The following SYNPR variants were observed in gnomAD, a reference collection of about 807,000 sequenced individuals.
SYNPR encodes the protein synaptoporin.
A neutral mutation model predicts 32.9 loss-of-function variants in SYNPR; 23 were observed. The observed-to-expected ratio is 0.70, with a 90% CI of 0.50 to 0.99. The LOEUF (loss-of-function observed/expected upper bound fraction) is 0.99, where lower values mean the gene tolerates loss of function less well. SYNPR is among the 50% of genes least tolerant of loss of function. The pLI, the probability that SYNPR is intolerant of heterozygous loss-of-function variation, is 0.00. For missense variants in SYNPR, 318 were observed against 349.3 expected (o/e 0.91, Z 0.71); for synonymous variants, 146 against 135.9 (o/e 1.07, Z -0.52).
At chr3:63,517,171 G>A (rs1701816071) in intron 3 of SYNPR, among the ~76,000 whole-genome samples, 1 of 152,082 alleles carries the variant, frequency 6.6e-6, no homozygotes, top group African/African-American at 2.4e-5. Flanking sequence ...ATCACAAACT[G>A]AGGACTCTAG....
chr3:63,245,710 AGTGTGTGT>A (rs1159947180), intron 1 of SYNPR, among the ~76,000 whole-genome samples: 71 of 44,248 alleles, frequency 1.6e-3, no homozygotes, highest in African/African-American at 6.5e-3. Context: ...AGAGAGAGAG[AGTGTGTGT>A]GTGTGTGTGT....
At chr3:63,411,121 G>A (rs972422297) in intron 2 of SYNPR, among the ~76,000 whole-genome samples, 7 of 152,224 alleles carry the variant, frequency 4.6e-5, no homozygotes, top group African/African-American at 1.4e-4. Flanking sequence ...GATGCAATGT[G>A]GAAACTGAAT....
At position 63,389,947 on chromosome 3, in the gene SYNPR, T is replaced by C. The variant is rs181346330; in HGVS notation, c.85-90885T>C. The stretch of plus-strand genomic sequence containing the variant: ...GCTCATTAACTAAAAACTATCATTG[T>C]AGTTAATAGCAAGCCCACTCTGGGC... On this transcript the variant is annotated intron_variant, in intron 2 of 5. Coordinates refer to ENST00000478300, the MANE Select transcript of SYNPR (RefSeq NM_001130003.2). Among the ~76,000 whole-genome samples, 586 of 152,356 alleles carry C rather than the reference T, an allele frequency of 3.8e-3. 19 individuals are homozygous for C. In the South Asian group the frequency reaches 0.074, roughly 19 times the overall value.
chr3:63,232,192 C>CTTTTTTTTTT (rs57078088), intron 1 of SYNPR, among the ~76,000 whole-genome samples: 11 of 59,536 alleles, frequency 1.8e-4, no homozygotes, highest in Non-Finnish European at 2.4e-4. Flanking sequence ...CAGATTCTGA[C>CTTTTTTTTTT]TTTTTTTTTT....
chr3:63,367,607 C>T (rs746676315), intron 2 of SYNPR, among the ~76,000 whole-genome samples: 3 of 152,058 alleles, frequency 2.0e-5, no homozygotes, highest in Non-Finnish European at 1.5e-5. Context: ...CTGCCTGCCT[C>T]GGCCTCCTAA....
chr3:63,431,421 G>A (rs1326622972), intron 2 of SYNPR, among the ~76,000 whole-genome samples: 1 of 152,162 alleles, frequency 6.6e-6, no homozygotes, highest in Admixed American at 6.5e-5. Context: ...TTCATTCAAT[G>A]GGTATATATT....
At chr3:63,373,860 G>T (rs188095207) in intron 2 of SYNPR, among the ~76,000 whole-genome samples, 1 of 152,146 alleles carries the variant, frequency 6.6e-6, no homozygotes, top group South Asian at 2.1e-4. Flanking sequence ...AAAGGGAACC[G>T]CATCAGGCTA....
chr3:63,463,180 A>G (rs926165356), intron 2 of SYNPR, among the ~76,000 whole-genome samples: 16 of 152,162 alleles, frequency 1.1e-4, no homozygotes, highest in African/African-American at 3.1e-4. Flanking sequence ...AGGTACAGCT[A>G]TGTCACTTTA....
intron 3 of SYNPR, among the ~76,000 whole-genome samples, chr3:63,272,414 A>G (rs1305368008): frequency 2.0e-5 from 3 of 152,146 alleles, no homozygotes; most frequent in East Asian, 3.9e-4. Context: ...CCTTGGGATG[A>G]AGACTAGGCA....
At chr3:63,570,178 A>C (rs758166687) in intron 4 of SYNPR, among the ~76,000 whole-genome samples, 8 of 152,134 alleles carry the variant, frequency 5.3e-5, no homozygotes, top group Non-Finnish European at 8.8e-5. Flanking sequence ...TGAAACCCTC[A>C]TGCATTAAGA....
intron 3 of SYNPR, among the ~76,000 whole-genome samples, chr3:63,493,044 C>T (rs6796188): frequency 0.14 from 21,381 of 152,080 alleles, 1,631 homozygotes; most frequent in Non-Finnish European, 0.18. Flanking sequence ...ACCCTCTCTG[C>T]TTCCTTCTAT....
At chr3:63,546,769 C>T (rs1208155787) in intron 3 of SYNPR, among the ~76,000 whole-genome samples, 1 of 152,038 alleles carries the variant, frequency 6.6e-6, no homozygotes, top group Non-Finnish European at 1.5e-5. Context: ...AATGCATAAC[C>T]AAATCAAGGA....
chr3:63,501,031 G>A (rs1191173146), intron 3 of SYNPR, among the ~76,000 whole-genome samples: 1 of 151,926 alleles, frequency 6.6e-6, no homozygotes, highest in Non-Finnish European at 1.5e-5. Context: ...ATAGTTAATT[G>A]CTTAATACAG....
chr3:63,411,990 G>T (rs9867806), intron 2 of SYNPR, among the ~76,000 whole-genome samples: 4,688 of 152,154 alleles, frequency 0.031, 231 homozygotes, highest in African/African-American at 0.11. Context: ...AGACAATTGT[G>T]ATAGTGCAGG....
At chr3:63,335,399 G>T (rs17068265) in intron 2 of SYNPR, among the ~76,000 whole-genome samples, 3 of 151,594 alleles carry the variant, frequency 2.0e-5, no homozygotes, top group Admixed American at 2.0e-4. Flanking sequence ...AGTACTTTTG[G>T]GCCAATAATA....
intron 2 of SYNPR, among the ~76,000 whole-genome samples, chr3:63,451,231 T>G (rs1700375854): frequency 1.3e-5 from 2 of 152,184 alleles, no homozygotes; most frequent in Admixed American, 6.5e-5. Flanking sequence ...TTTCTTCCTC[T>G]GTAAGTCAAA....
At chr3:63,599,592 A>G (rs1371638331) in intron 4 of SYNPR, among the ~76,000 whole-genome samples, 1 of 152,150 alleles carries the variant, frequency 6.6e-6, no homozygotes, top group East Asian at 1.9e-4. Context: ...GCACTCTATG[A>G]TGTTCACACA....
chr3:63,604,671 G>C (rs1411356300), intron 4 of SYNPR, among the ~76,000 whole-genome samples: 1 of 152,132 alleles, frequency 6.6e-6, no homozygotes, highest in East Asian at 1.9e-4. Flanking sequence ...TCTTAGCACT[G>C]ATTTCTATTT....
At chr3:63,220,963 T>C in the SYNPR span, among the ~76,000 whole-genome samples, 2 of 152,198 alleles carry the variant, frequency 1.3e-5, no homozygotes, top group African/African-American at 2.4e-5. Flanking sequence ...TTAAACTCTT[T>C]AGATTCAAGT....
Sources: gnomAD v4.1 joint callset for allele counts (sites outside exome capture counted in the v4.1 genomes callset) on GRCh38, gnomAD v4.1.1 for gene constraint, MANE v1.5 for transcripts, NCBI Gene and HGNC (gene_info 2026-07-23, HGNC 2026-07-21) for gene names.